OR7D4: variants seen among roughly 807,000 people sequenced by gnomAD.
OR7D4 encodes olfactory receptor 7D4.
For missense variants in OR7D4, 319 were observed against 377.1 expected, an observed-to-expected ratio of 0.85 and a Z score of 1.27; for synonymous variants, 154 against 158.4, an observed-to-expected ratio of 0.97 and a Z score of 0.21.
At chr19:9,218,618 G>A (rs959299280) in intron 1 of OR7D4, among the ~76,000 whole-genome samples, 1 of 152,066 alleles carries the variant, frequency 6.6e-6, no homozygotes, top group East Asian at 1.9e-4. Context: ...TGATATTTTG[G>A]TGAACATGCA....
In OR7D4 at chr19:9,214,244, G is replaced by A. The variant is rs563951546; in HGVS notation, c.594C>T (p.Val198=). 1.1e-5 allele frequency: 17 copies of A among 1,614,150 alleles called. No homozygotes were observed. In the African/African-American group the frequency reaches 2.1e-4, roughly 20 times the overall value. Residue 198 remains valine, a synonymous_variant, in exon 2 of 2, where the codon GTC becomes GTT. Transcript: ENST00000641669. ...ACSNTLLNNI[V]LYVATALLGV... ...CCAGCAGTGCCGTGGCCACATACAAGACAATGTTATTGAGGAGGGTGTTAG... is the reference window on the plus strand; with the variant it reads ...CCAGCAGTGCCGTGGCCACATACAAAACAATGTTATTGAGGAGGGTGTTAG...
At position 9,214,567 on chromosome 19, in the gene OR7D4, C is replaced by G. The variant is rs2051197078; in HGVS notation, c.271G>C (p.Asp91His). ...GTGAGGCACCCCATGTAGGAGATGT[C>G]TTTGCTCCGTGCCTGGATGCTCACT... ...MLVSIQARSK[D>H]ISYMGCLTQV... The change falls in exon 2 of 2, where the codon GAC becomes CAC. Residue 91 changes from aspartate to histidine, a missense_variant. Physicochemically the swap from Asp to His is moderately conservative, Grantham distance 81 (BLOSUM62 -1). Coordinates refer to ENST00000641669, the MANE Select transcript of OR7D4 (RefSeq NM_001005191.3). 1 of 1,614,006 alleles carries G rather than the reference C, an allele frequency of 6.2e-7. No homozygotes were observed.
chr19:9,217,711 T>G (rs8110276), intron 1 of OR7D4, among the ~76,000 whole-genome samples: 21,713 of 152,048 alleles, frequency 0.14, 2,419 homozygotes, highest in African/African-American at 0.3. Context: ...GCTAATTTTT[T>G]TATTTTTAGT....
Position 9,219,041 on chromosome 19 carries a change from A to C in OR7D4, c.-14+159T>G, listed in dbSNP as rs147406440. Reference sequence around the variant, plus strand: ...GATACTAAGTTGAAATAGCAAAAACATAACAGCTAGTAAGTGCTGTAAATA... The same window carrying C: ...GATACTAAGTTGAAATAGCAAAAACCTAACAGCTAGTAAGTGCTGTAAATA... On this transcript the variant is annotated intron_variant, in intron 1 of 1. Coordinates refer to ENST00000641669, the MANE Select transcript of OR7D4 (RefSeq NM_001005191.3). Among the ~76,000 whole-genome samples, 177 of 152,306 alleles carry C rather than the reference A, an allele frequency of 1.2e-3. 2 individuals are homozygous for C. The highest frequency in any genetic ancestry group is 3.4e-3 in the Middle Eastern group (1 of 294).
At chr19:9,215,361 A>ACC (rs1226891285) in intron 1 of OR7D4, among the ~76,000 whole-genome samples, 3 of 147,542 alleles carry the variant, frequency 2.0e-5, no homozygotes, top group African/African-American at 5.2e-5. Context: ...AAAAAAAAAA[A>ACC]AAAACCTCTT....
chr19:9,211,997 A>G lies in OR7D4; in HGVS notation c.*1902T>C, dbSNP rs2051175726. The G allele has an allele frequency of 6.6e-6, 1 of 152,118 alleles. No individual in the cohort carries two copies. Among genetic ancestry groups the G allele is most frequent in the Non-Finnish European group, 1.5e-5 (1 of 68,020 alleles). The allele number at this position is 152,118 out of a possible 1,614,324, so 9.4% of individuals were successfully genotyped here. On this transcript the variant is annotated 3_prime_UTR_variant, in exon 2 of 2. Coordinates refer to ENST00000641669, the MANE Select transcript of OR7D4 (RefSeq NM_001005191.3). The stretch of plus-strand genomic sequence containing the variant: ...TGAGAAGAGGAAGCCCTGTTCCTTC[A>G]ATGGTCATTCACTTTTCTCCTCTTC...
Position 9,219,443 on chromosome 19 carries a change from T to C in OR7D4, c.-257A>G, listed in dbSNP as rs536039415. On this transcript the variant is annotated 5_prime_UTR_variant, in exon 1 of 2. Transcript: ENST00000641669. ...TTCACCTTCATAGACTCAATAAGTA[T>C]GGGACTTTCCAGGCTCATTACTGTG... 3 of 152,354 alleles carry C rather than the reference T, an allele frequency of 2.0e-5. No homozygotes were observed. Among genetic ancestry groups the C allele is most frequent in the African/African-American group, 7.2e-5 (3 of 41,576 alleles). The allele number at this position is 152,354 out of a possible 1,614,324, so 9.4% of individuals were successfully genotyped here. A position where few individuals can be genotyped will look rare whatever the true frequency, so the allele number is the denominator to read the frequency against.
At chr19:9,216,914 C>A (rs2051218555) in intron 1 of OR7D4, among the ~76,000 whole-genome samples, 1 of 152,120 alleles carries the variant, frequency 6.6e-6, no homozygotes, top group African/African-American at 2.4e-5. Flanking sequence ...TTTAACATTA[C>A]AATAAATCTG....
chr19:9,214,356 A>G lies in OR7D4; in HGVS notation c.482T>C (p.Leu161Pro). Residue 161 changes from leucine (L) to proline (P), a missense_variant, in exon 2 of 2, where the codon CTA becomes CCA. Coordinates refer to ENST00000641669, the MANE Select transcript of OR7D4 (RefSeq NM_001005191.3). ...GGAGAAGGTCAACCTCTTCATCAGT[A>G]GAATATGAACCAGGGAGAACCAGAA... ...IIFWFSLVHI[L>P]LMKRLTFSTG... is the part of the protein sequence containing the mutation. 6.2e-7 allele frequency: 1 copy of G among 1,614,168 alleles called. No homozygotes were observed. The highest frequency in any genetic ancestry group is 8.5e-7 in the Non-Finnish European group (1 of 1,180,004).
At chr19:9,216,840 C>G (rs377271391) in intron 1 of OR7D4, among the ~76,000 whole-genome samples, 77 of 152,344 alleles carry the variant, frequency 5.1e-4, no homozygotes, top group African/African-American at 1.8e-3. Context: ...GATCCACCCA[C>G]CTTGGCCTCC....
intron 1 of OR7D4, 99 bp downstream of exon 1, chr19:9,219,101 A>G (rs2051237899): frequency 6.6e-6 from 1 of 152,166 alleles, no homozygotes; most frequent in African/African-American, 2.4e-5. Flanking sequence ...CCTACCCCCA[A>G]TCCCCAGACC....
Position 9,212,170 on chromosome 19 carries a change from C to A in OR7D4, c.*1729G>T, listed in dbSNP as rs1267624926. The A allele has an allele frequency of 6.6e-6, 1 of 152,002 alleles. No individual in the cohort carries two copies. The highest frequency in any genetic ancestry group is 1.9e-4 in the East Asian group (1 of 5,190). 9.4% of individuals were successfully genotyped at this position (152,002 alleles called of 1,614,324 possible). On this transcript the variant is annotated 3_prime_UTR_variant, in exon 2 of 2. Transcript: ENST00000641669. ...CATCGTGGAGAATGAGGTATTCATC[C>A]CTCAACTATTTATCTTTAGAGTTAC...
Position 9,214,436 on chromosome 19 carries a change from G to A in OR7D4, c.402C>T (p.Val134=). 1 of 1,614,172 alleles carries A rather than the reference G, an allele frequency of 6.2e-7. No homozygotes were observed. Among genetic ancestry groups the A allele is most frequent in the Non-Finnish European group, 8.5e-7 (1 of 1,180,024 alleles). Residue 134 remains valine, a synonymous_variant, in exon 2 of 2, where the codon GTC becomes GTT. Coordinates refer to ENST00000641669, the MANE Select transcript of OR7D4 (RefSeq NM_001005191.3). ...VAICHPLHYT[V]IMNPCLCGLL... ...GGCCACAGAGGCAGGGGTTCATGAT[G>A]ACCGTGTAGTGCAGTGGGTGGCAGA...
chr19:9,215,989 G>A (rs1172234014), intron 1 of OR7D4, among the ~76,000 whole-genome samples: 1 of 152,110 alleles, frequency 6.6e-6, no homozygotes, highest in African/African-American at 2.4e-5. Flanking sequence ...AAGGCAAGGA[G>A]GAGCAAGTCA....
intron 1 of OR7D4, among the ~76,000 whole-genome samples, chr19:9,217,641 C>T (rs1460058899): frequency 2.6e-5 from 4 of 152,044 alleles, no homozygotes; most frequent in Admixed American, 6.6e-5. Context: ...CAGGTTCAAG[C>T]GATTCTCCTG....
chr19:9,219,181 A>G lies in OR7D4; in HGVS notation c.-14+19T>C, dbSNP rs965254646. On this transcript the variant is annotated intron_variant, in intron 1 of 1. Coordinates refer to ENST00000641669, the MANE Select transcript of OR7D4 (RefSeq NM_001005191.3). Reference sequence around the variant, plus strand: ...TATAATAGAAAAATCCAATCACATTAGGAACACATAGACAATACCTTGAGC... The same window carrying G: ...TATAATAGAAAAATCCAATCACATTGGGAACACATAGACAATACCTTGAGC... 4 of 152,214 alleles carry G rather than the reference A, an allele frequency of 2.6e-5. No homozygotes were observed. The highest frequency in any genetic ancestry group is 9.7e-5 in the African/African-American group (4 of 41,436). The allele number at this position is 152,214 out of a possible 1,614,324, so 9.4% of individuals were successfully genotyped here. A position where few individuals can be genotyped will look rare whatever the true frequency, so the allele number is the denominator to read the frequency against.
At position 9,214,146 on chromosome 19, in the gene OR7D4, G is replaced by C; in HGVS notation, c.692C>G (p.Thr231Ser). Residue 231 changes from threonine to serine, a missense_variant, in exon 2 of 2, where the codon ACC (threonine) becomes AGC (serine). Coordinates refer to ENST00000641669, the MANE Select transcript of OR7D4 (RefSeq NM_001005191.3). ...IVSSLMGMSS[T>S]KGKYKAFSTC... Reference sequence around the variant, plus strand: ...GGAAAAGGCTTTGTACTTGCCCTTGGTGGAGGACATTCCCATTAAGGAGGA... The same window carrying C: ...GGAAAAGGCTTTGTACTTGCCCTTGCTGGAGGACATTCCCATTAAGGAGGA... 1.9e-6 allele frequency: 3 copies of C among 1,614,110 alleles called. No homozygotes were observed. In the African/African-American group the frequency reaches 4.0e-5, roughly 22 times the overall value.
chr19:9,214,020 G>A lies in OR7D4; in HGVS notation c.818C>T (p.Thr273Ile), dbSNP rs774697357. 4.8e-5 allele frequency: 76 copies of A among 1,599,974 alleles called. No homozygotes were observed. The highest frequency in any genetic ancestry group is 1.6e-4 in the Middle Eastern group (1 of 6,062). Reference sequence around the variant, plus strand: ...GACCATGGCGTACATCACTGAGGCGGTGGAGCTGCTCTGGGAAGAATGGGT... The same window carrying A: ...GACCATGGCGTACATCACTGAGGCGATGGAGCTGCTCTGGGAAGAATGGGT... ...AVTHSSQSSSTASVMYAMVTP... is the reference protein window; with the variant it reads ...AVTHSSQSSSIASVMYAMVTP... The change falls in exon 2 of 2, where the codon ACC becomes ATC. Residue 273 changes from threonine to isoleucine, a missense_variant. Transcript: ENST00000641669.
In OR7D4 at chr19:9,210,697, C is replaced by G. The variant is rs957615212; in HGVS notation, c.*3202G>C. ...TTTACTAGGTGATCTCACACACACA[C>G]ACACACACACAACACACACAACACA... On this transcript the variant is annotated 3_prime_UTR_variant, in exon 2 of 2. Coordinates refer to ENST00000641669, the MANE Select transcript of OR7D4 (RefSeq NM_001005191.3). 2 of 152,146 alleles carry G rather than the reference C, an allele frequency of 1.3e-5. No individual in the cohort carries two copies. Among genetic ancestry groups the G allele is most frequent in the Non-Finnish European group, 2.9e-5 (2 of 68,104 alleles). The allele number at this position is 152,146 out of a possible 1,614,324, so 9.4% of individuals were successfully genotyped here.
Sources: gnomAD v4.1 joint callset for allele counts (sites outside exome capture counted in the v4.1 genomes callset) on GRCh38, gnomAD v4.1.1 for gene constraint, MANE v1.5 for transcripts, NCBI Gene and HGNC (gene_info 2026-07-23, HGNC 2026-07-21) for gene names.